MEGF11: variants seen among roughly 807,000 people sequenced by gnomAD.
MEGF11 encodes multiple EGF like domains 11.
In MEGF11, 126 loss-of-function variants were observed where a neutral mutation model predicts 146.6. The ratio of observed to expected loss-of-function variants is 0.86; its 90% CI spans 0.74 to 1.00. MEGF11 has a LOEUF of 1.00. MEGF11 is among the 50% of genes least tolerant of loss of function. The pLI is 0.00. For synonymous variants in MEGF11, 532 were observed against 583.4 expected (o/e 0.91, Z 1.27); for missense variants, 1,509 against 1,521.2 (o/e 0.99, Z 0.13).
At chr15:66,092,072 G>T (rs1301466903) in intron 5 of MEGF11, among the ~76,000 whole-genome samples, 1 of 152,194 alleles carries the variant, frequency 6.6e-6, no homozygotes, top group South Asian at 2.1e-4. Context: ...GAGCATCATG[G>T]TCATCCATCA....
chr15:65,928,309 A>T (rs2079446382), intron 13 of MEGF11, 116 bp downstream of exon 13: 3 of 590,414 alleles, frequency 5.1e-6, no homozygotes, highest in Non-Finnish European at 9.0e-6. Flanking sequence ...AAAGGGAAAG[A>T]TGCATACTCA....
intron 1 of MEGF11, among the ~76,000 whole-genome samples, chr15:66,172,575 C>T (rs924491488): frequency 6.6e-6 from 1 of 152,158 alleles, no homozygotes; most frequent in Non-Finnish European, 1.5e-5. Flanking sequence ...CAGGTGATCC[C>T]CCCTCTCTCC....
chr15:66,106,818 C>T (rs1209327300), intron 4 of MEGF11, among the ~76,000 whole-genome samples: 2 of 152,132 alleles, frequency 1.3e-5, no homozygotes, highest in Non-Finnish European at 1.5e-5. Context: ...ACATCTGCAG[C>T]GTCAAATGAG....
At chr15:66,023,668 G>A (rs566890760) in intron 5 of MEGF11, among the ~76,000 whole-genome samples, 5 of 152,314 alleles carry the variant, frequency 3.3e-5, no homozygotes, top group Admixed American at 6.5e-5. Flanking sequence ...TGGGGTCGGC[G>A]TGCCCATGAG....
chr15:65,996,257 G>A (rs572888660), intron 5 of MEGF11, among the ~76,000 whole-genome samples: 4 of 152,334 alleles, frequency 2.6e-5, no homozygotes, highest in Admixed American at 6.5e-5. Context: ...AGAAGAGCAC[G>A]TCCAAAGGGG....
At chr15:65,959,561 T>TTAATTA (rs1465962796) in intron 9 of MEGF11, among the ~76,000 whole-genome samples, 2 of 152,198 alleles carry the variant, frequency 1.3e-5, no homozygotes, top group Non-Finnish European at 2.9e-5. Flanking sequence ...TCTTTAATAC[T>TTAATTA]TTAATACTTT....
chr15:66,165,317 C>T (rs139526832), intron 1 of MEGF11, among the ~76,000 whole-genome samples: 222 of 152,218 alleles, frequency 1.5e-3, no homozygotes, highest in African/African-American at 4.9e-3. Context: ...GGTGAAGCCA[C>T]GGACTCACAG....
chr15:66,187,329 C>T (rs929211164), intron 1 of MEGF11, among the ~76,000 whole-genome samples: 1 of 152,188 alleles, frequency 6.6e-6, no homozygotes, highest in African/African-American at 2.4e-5. Flanking sequence ...ACAGAAAGAG[C>T]AGGCCTTCCC....
chr15:66,170,669 C>T (rs1056827795), intron 1 of MEGF11, among the ~76,000 whole-genome samples: 3 of 152,182 alleles, frequency 2.0e-5, no homozygotes, highest in South Asian at 2.1e-4. Context: ...TTATTATTGT[C>T]GTCATCCCTC....
intron 5 of MEGF11, among the ~76,000 whole-genome samples, chr15:66,064,242 G>A (rs1171076220): frequency 6.6e-6 from 1 of 152,054 alleles, no homozygotes; most frequent in African/African-American, 2.4e-5. Flanking sequence ...GGTGGCGCAC[G>A]TGTGTAATCC....
intron 1 of MEGF11, among the ~76,000 whole-genome samples, chr15:66,244,431 G>T (rs1004866140): frequency 6.6e-6 from 1 of 152,198 alleles, no homozygotes; most frequent in Non-Finnish European, 1.5e-5. Context: ...TCCTGGGGAT[G>T]CAGCAAAGCA....
chr15:66,017,031 G>T (rs973305276), intron 5 of MEGF11, among the ~76,000 whole-genome samples: 1 of 152,208 alleles, frequency 6.6e-6, no homozygotes, highest in African/African-American at 2.4e-5. Flanking sequence ...TTGGACAGGG[G>T]TTATTTTTTG....
chr15:65,925,445 G>A (rs2079337981), intron 13 of MEGF11, among the ~76,000 whole-genome samples: 1 of 152,204 alleles, frequency 6.6e-6, no homozygotes, highest in South Asian at 2.1e-4. Flanking sequence ...TGGAGCTTAA[G>A]ACATGGGATC....
chr15:66,202,360 G>C (rs2091184848), intron 1 of MEGF11, among the ~76,000 whole-genome samples: 1 of 152,214 alleles, frequency 6.6e-6, no homozygotes, highest in African/African-American at 2.4e-5. Context: ...TGGCAGTAGA[G>C]AGCAATCACA....
In MEGF11 at chr15:66,092,787, C is replaced by T. The variant is rs566185509; in HGVS notation, c.394+1615G>A. ...TATATACTCAGGGCCCCGGGGGACC[C>T]AGGCTGTATTTCAACCTCCAATAGG... On this transcript the variant is annotated intron_variant, in intron 5 of 25. Transcript: ENST00000395614. Among the ~76,000 whole-genome samples the T allele has an allele frequency of 4.7e-4, 72 of 152,320 alleles. 1 individual carries two copies. Among genetic ancestry groups the T allele is most frequent in the South Asian group, 2.1e-3 (10 of 4,820 alleles).
intron 1 of MEGF11, among the ~76,000 whole-genome samples, chr15:66,217,798 G>T (rs1269578439): frequency 6.6e-6 from 1 of 152,156 alleles, no homozygotes; most frequent in Non-Finnish European, 1.5e-5. Flanking sequence ...TCTAGAACTC[G>T]GGCCTCCTGA....
intron 1 of MEGF11, among the ~76,000 whole-genome samples, chr15:66,173,858 G>A (rs908349167): frequency 3.3e-5 from 5 of 152,206 alleles, no homozygotes; most frequent in Non-Finnish European, 7.3e-5. Flanking sequence ...CCCTTGGACA[G>A]TTTGCCACAA....
intron 10 of MEGF11, among the ~76,000 whole-genome samples, chr15:65,956,604 T>C (rs1267551890): frequency 6.6e-6 from 1 of 152,328 alleles, no homozygotes; most frequent in East Asian, 1.9e-4. Flanking sequence ...TACAGCACAA[T>C]TAAACATGGC....
At chr15:66,016,166 T>C (rs184995843) in intron 5 of MEGF11, among the ~76,000 whole-genome samples, 1 of 152,320 alleles carries the variant, frequency 6.6e-6, no homozygotes, top group Admixed American at 6.5e-5. Flanking sequence ...ATATGGCCAA[T>C]CTTGTTTCAA....
Sources: gnomAD v4.1 joint callset for allele counts (sites outside exome capture counted in the v4.1 genomes callset) on GRCh38, gnomAD v4.1.1 for gene constraint, MANE v1.5 for transcripts, NCBI Gene and HGNC (gene_info 2026-07-23, HGNC 2026-07-21) for gene names.